Variants in ABI3BP observed in about 807,000 individuals in gnomAD.
ABI3BP encodes target of Nesh-SH3.
In ABI3BP, 216 loss-of-function variants were observed where a neutral mutation model predicts 268.6. The observed-to-expected ratio is 0.80, with a 90% CI of 0.72 to 0.90. The LOEUF (loss-of-function observed/expected upper bound fraction) is 0.90, where lower values mean the gene tolerates loss of function less well. Among genes scored for constraint, ABI3BP ranks in the 40% least tolerant of loss-of-function variants. ABI3BP has a pLI of 0.00. For missense variants in ABI3BP, 2,090 were observed against 2,182.4 expected, an observed-to-expected ratio of 0.96 and a Z score of 0.84; for synonymous variants, 730 against 730.0, an observed-to-expected ratio of 1.00 and a Z score of 0.00.
In ABI3BP at chr3:100,813,662, AG is replaced by A; in HGVS notation, c.3362del (p.Pro1121LeufsTer20). 2.6e-6 allele frequency: 4 copies of A among 1,533,910 alleles called. No individual in the cohort carries two copies. The highest frequency in any genetic ancestry group is 3.5e-6 in the Non-Finnish European group (4 of 1,145,038). ...AGACAGATAAAACAATCTATTTACC[AG>A]GTTGACTTTCTGTCATTTCTAGGCT... is the stretch of plus-strand genomic sequence containing the variant. ...SPSLEMTESQ[P>X]VSDVLESVTL... On this transcript the variant is annotated frameshift_variant and splice_region_variant, in exon 45 of 68. Coordinates refer to ENST00000471714, the MANE Select transcript of ABI3BP (RefSeq NM_001375547.2). LOFTEE classifies it high-confidence loss of function.
chr3:100,773,556 A>G (rs1189569083), intron 61 of ABI3BP, among the ~76,000 whole-genome samples: 1 of 152,234 alleles, frequency 6.6e-6, no homozygotes, highest in African/African-American at 2.4e-5. Flanking sequence ...TTAAAATGTT[A>G]TATAAACACT....
intron 2 of ABI3BP, among the ~76,000 whole-genome samples, chr3:100,916,333 T>C (rs1444392174): frequency 6.6e-6 from 1 of 152,244 alleles, no homozygotes; most frequent in Non-Finnish European, 1.5e-5. Flanking sequence ...TTTTTCTTCC[T>C]TTTCAAATGT....
In ABI3BP at chr3:100,857,430, A is replaced by G. The variant is rs546002168; in HGVS notation, c.1285+4881T>C. ...ACCTTATTTCCATTTTATAGATGGAACAAGTTATTTAACTGGTAGTTGAGC... is the reference window on the plus strand; with the variant it reads ...ACCTTATTTCCATTTTATAGATGGAGCAAGTTATTTAACTGGTAGTTGAGC... On this transcript the variant is annotated intron_variant, in intron 14 of 67. Coordinates refer to ENST00000471714, the MANE Select transcript of ABI3BP (RefSeq NM_001375547.2). 3.9e-5 allele frequency among the ~76,000 whole-genome samples: 6 copies of G among 152,350 alleles called. No individual in the cohort carries two copies. In the East Asian group the frequency reaches 1.2e-3, roughly 29 times the overall value.
intron 1 of ABI3BP, among the ~76,000 whole-genome samples, chr3:100,961,679 C>T (rs1288616282): frequency 6.6e-6 from 1 of 152,166 alleles, no homozygotes; most frequent in African/African-American, 2.4e-5. Context: ...TTAAGACATT[C>T]CTATGTAAGT....
intron 2 of ABI3BP, among the ~76,000 whole-genome samples, chr3:100,920,757 T>C (rs1233661899): frequency 1.3e-5 from 2 of 152,240 alleles, no homozygotes; most frequent in African/African-American, 4.8e-5. Flanking sequence ...CCATAGTCTT[T>C]ACAATGCTTC....
chr3:100,811,190 A>C (rs1371940211), intron 48 of ABI3BP, 40 bp downstream of exon 48: 1 of 1,507,690 alleles, frequency 6.6e-7, no homozygotes, highest in Non-Finnish European at 8.9e-7. Flanking sequence ...GTGGCAATGA[A>C]GACAGAGAGC....
intron 12 of ABI3BP, 51 bp from the exon 13 acceptor site, chr3:100,862,960 A>G: frequency 7.4e-7 from 1 of 1,360,514 alleles, no homozygotes; most frequent in South Asian, 1.3e-5. Context: ...AAGTAACAGG[A>G]AAGATTTTTA....
intron 9 of ABI3BP, among the ~76,000 whole-genome samples, chr3:100,871,268 A>G (rs1313952052): frequency 6.6e-6 from 1 of 152,198 alleles, no homozygotes; most frequent in Non-Finnish European, 1.5e-5. Context: ...TATAAAAAAA[A>G]CTTCATCTTG....
intron 55 of ABI3BP, among the ~76,000 whole-genome samples, chr3:100,792,453 C>G (rs1180987664): frequency 6.6e-6 from 1 of 151,622 alleles, no homozygotes; most frequent in African/African-American, 2.4e-5. Flanking sequence ...TAGTTATAAG[C>G]ATCAAGTAGT....
At position 100,844,000 on chromosome 3, in the gene ABI3BP, T is replaced by G. The variant is rs563089406; in HGVS notation, c.1724-1961A>C. 3.0e-6 allele frequency: 3 copies of G among 984,224 alleles called. No individual in the cohort carries two copies. In the East Asian group the frequency reaches 3.4e-4, roughly 112 times the overall value. 61.0% of individuals were successfully genotyped at this position (984,224 alleles called of 1,614,324 possible). A position where few individuals can be genotyped will look rare whatever the true frequency, so the allele number is the denominator to read the frequency against. ...GGGATAGAACTCCATCAATTAAGCT[T>G]CAAAGTCAATTGCACATAAAAACAG... On this transcript the variant is annotated intron_variant, in intron 20 of 67. Coordinates refer to ENST00000471714, the MANE Select transcript of ABI3BP (RefSeq NM_001375547.2).
At chr3:100,876,392 A>T in intron 7 of ABI3BP, 120 bp downstream of exon 7, 2 of 934,320 alleles carry the variant, frequency 2.1e-6, no homozygotes, top group Non-Finnish European at 3.2e-6. Context: ...ATTTTCTTTG[A>T]ACTTTTTCTC....
At chr3:100,759,414 A>G (rs1373540333) in intron 63 of ABI3BP, among the ~76,000 whole-genome samples, 2 of 152,184 alleles carry the variant, frequency 1.3e-5, no homozygotes, top group Non-Finnish European at 2.9e-5. Context: ...TGATCTGGGA[A>G]CACAGATAAG....
intron 1 of ABI3BP, among the ~76,000 whole-genome samples, chr3:100,973,605 T>A (rs559585674): frequency 6.6e-6 from 1 of 152,172 alleles, no homozygotes. Context: ...ACTTTCATTA[T>A]GAATGAAGAT....
At chr3:100,809,011 A>G (rs1041442698) in intron 49 of ABI3BP, among the ~76,000 whole-genome samples, 5 of 152,078 alleles carry the variant, frequency 3.3e-5, no homozygotes, top group Non-Finnish European at 5.9e-5. Flanking sequence ...CTTAAGAAAA[A>G]CTTGCTGAAA....
In ABI3BP at chr3:100,863,993, A is replaced by T; in HGVS notation, c.1138+9T>A. On this transcript the variant is annotated intron_variant, in intron 12 of 67. Coordinates refer to ENST00000471714, the MANE Select transcript of ABI3BP (RefSeq NM_001375547.2). ...TAATAATAAAGCTGCAGTATTTATT[A>T]TTTTTTACCTAGAGTGCTCAGTGGC... 6.6e-7 allele frequency: 1 copy of T among 1,513,216 alleles called. No homozygotes were observed. Among genetic ancestry groups the T allele is most frequent in the Non-Finnish European group, 8.9e-7 (1 of 1,126,052 alleles). The allele number at this position is 1,513,216 out of a possible 1,614,324, so 93.7% of individuals were successfully genotyped here.
chr3:100,857,335 A>T (rs1258234531), intron 14 of ABI3BP, among the ~76,000 whole-genome samples: 2 of 152,236 alleles, frequency 1.3e-5, no homozygotes, highest in African/African-American at 2.4e-5. Context: ...GCACCCCTTT[A>T]TATATTGTGC....
intron 25 of ABI3BP, 57 bp downstream of exon 25, chr3:100,838,345 T>G (rs1376716527): frequency 6.6e-7 from 1 of 1,526,474 alleles, no homozygotes; most frequent in Non-Finnish European, 8.8e-7. Flanking sequence ...TGGAGATTAA[T>G]GTTACTTACA....
intron 1 of ABI3BP, among the ~76,000 whole-genome samples, chr3:100,935,304 T>C (rs1240885854): frequency 6.6e-6 from 1 of 152,180 alleles, no homozygotes; most frequent in Non-Finnish European, 1.5e-5. Flanking sequence ...GTGGTGTTAT[T>C]TCTGAGGCCT....
intron 1 of ABI3BP, among the ~76,000 whole-genome samples, chr3:100,987,037 T>C (rs1284001150): frequency 6.6e-6 from 1 of 152,244 alleles, no homozygotes; most frequent in East Asian, 1.9e-4. Flanking sequence ...CTAGATAATC[T>C]AGATAATCAC....
Sources: gnomAD v4.1 joint callset for allele counts (sites outside exome capture counted in the v4.1 genomes callset) on GRCh38, gnomAD v4.1.1 for gene constraint, MANE v1.5 for transcripts, NCBI Gene and HGNC (gene_info 2026-07-23, HGNC 2026-07-21) for gene names.